Variants in ZNF587B observed in about 807,000 individuals in gnomAD.
ZNF587B encodes zinc finger protein 587B.
In ZNF587B, 6 loss-of-function variants were observed where a neutral mutation model predicts 7.2. The ratio of observed to expected loss-of-function variants is 0.83; its 90% CI spans 0.46 to 1.65. ZNF587B has a LOEUF of 1.65. Ranked by LOEUF, ZNF587B falls within the 40% of genes most tolerant of loss-of-function variation. The pLI is 0.01. For missense variants in ZNF587B, 749 were observed against 761.0 expected (o/e 0.98, Z 0.19); for synonymous variants, 274 against 254.3 (o/e 1.08, Z -0.74).
Position 57,837,838 on chromosome 19 carries a change from G to A in ZNF587B, c.37-1185G>A, listed in dbSNP as rs910674682. ...GACCTCAGGCGATCCACCCGGCTCA[G>A]CCTCCTAAAGCACTGGTACTACAGG... On this transcript the variant is annotated intron_variant, in intron 1 of 2. Transcript: ENST00000594901. Among the ~76,000 whole-genome samples the A allele has an allele frequency of 7.9e-5, 12 of 152,116 alleles. No individual in the cohort carries two copies. In the South Asian group the frequency reaches 1.5e-3, roughly 18 times the overall value.
chr19:57,846,019 C>G lies in ZNF587B; in HGVS notation c.*3443C>G, dbSNP rs1371777803. ...ATCCAATAAAGTACACATATTTGAG[C>G]TGTAGGATAAGTCTTGAATTTTATT... On this transcript the variant is annotated 3_prime_UTR_variant, in exon 3 of 3. Coordinates refer to ENST00000594901, the MANE Select transcript of ZNF587B (RefSeq NM_001376223.1). The G allele has an allele frequency of 6.6e-6, 1 of 152,150 alleles. No individual in the cohort carries two copies. The highest frequency in any genetic ancestry group is 1.5e-5 in the Non-Finnish European group (1 of 68,026). The allele number at this position is 152,150 out of a possible 1,614,324, so 9.4% of individuals were successfully genotyped here. A position where few individuals can be genotyped will look rare whatever the true frequency, so the allele number is the denominator to read the frequency against.
Position 57,843,274 on chromosome 19 carries a change from G to C in ZNF587B, c.*698G>C. The C allele has an allele frequency of 1.0e-6, 1 of 984,784 alleles. No homozygotes were observed. The highest frequency in any genetic ancestry group is 4.7e-5 in the South Asian group (1 of 21,284). The allele number at this position is 984,784 out of a possible 1,614,324, so 61.0% of individuals were successfully genotyped here. A position where few individuals can be genotyped will look rare whatever the true frequency, so the allele number is the denominator to read the frequency against. ...CCCAAAGTGCTGAGATTGTAGGTTT[G>C]AGTCACTGTGCTCAGCCAATTATGT... is the stretch of plus-strand genomic sequence containing the variant. On this transcript the variant is annotated 3_prime_UTR_variant, in exon 3 of 3. Transcript: ENST00000594901.
rs1198137620 is a variant in ZNF587B at position 57,841,667 on chromosome 19, T to C, written c.993T>C (p.Cys331=). The part of the protein sequence containing the change: ...AGKGPYECGE[C]GKSFSSNVNL... Reference sequence around the variant, plus strand: ...AAGGGCCTTATGAGTGTGGAGAATGTGGGAAATCTTTTAGTTCAAACGTGA... The same window carrying C: ...AAGGGCCTTATGAGTGTGGAGAATGCGGGAAATCTTTTAGTTCAAACGTGA... The change falls in exon 3 of 3, where the codon TGT becomes TGC. Residue 331 remains cysteine (C), a synonymous_variant. Transcript: ENST00000594901. 1 of 1,604,618 alleles carries C rather than the reference T, an allele frequency of 6.2e-7. No homozygotes were observed. The highest frequency in any genetic ancestry group is 1.3e-5 in the African/African-American group (1 of 74,834).
chr19:57,843,587 GTTGTTTTTTTTTGTTTTTTTT>G lies in ZNF587B; in HGVS notation c.*1014_*1034del, dbSNP rs1275403639. The G allele has an allele frequency of 2.6e-6, 2 of 759,902 alleles. No individual in the cohort carries two copies. The highest frequency in any genetic ancestry group is 3.0e-6 in the Non-Finnish European group (2 of 658,908). 47.1% of individuals were successfully genotyped at this position (759,902 alleles called of 1,614,324 possible). On this transcript the variant is annotated 3_prime_UTR_variant, in exon 3 of 3. Coordinates refer to ENST00000594901, the MANE Select transcript of ZNF587B (RefSeq NM_001376223.1). The stretch of plus-strand genomic sequence containing the variant: ...GTTTGGTTGGTTGGTTGGTTGGTTG[GTTGTTTTTTTTTGTTTTTTTT>G]TTTTTTTTTTTTGGAGACAAAGTTT...
In ZNF587B at chr19:57,830,566, T is replaced by C. The variant is rs1254866622; in HGVS notation, c.36+2T>C. On this transcript the variant is annotated splice_donor_variant, in intron 1 of 2. Coordinates refer to ENST00000594901, the MANE Select transcript of ZNF587B (RefSeq NM_001376223.1). LOFTEE classifies it high-confidence loss of function. ...GCCACGCTGAGGCTCTCTGCTCAGG[T>C]AATTGTGGTGCCTTCCATGCCCTCA... 3.9e-6 allele frequency: 6 copies of C among 1,550,364 alleles called. No individual in the cohort carries two copies. The highest frequency in any genetic ancestry group is 4.4e-6 in the Non-Finnish European group (5 of 1,147,716).
Position 57,842,407 on chromosome 19 carries a change from A to G in ZNF587B, c.1733A>G (p.Tyr578Cys). ...AGAGTTCACACTGGTCAGAAGCCTTATGAGTGCAGTGAATGTGGGAAATCT... is the reference window on the plus strand; with the variant it reads ...AGAGTTCACACTGGTCAGAAGCCTTGTGAGTGCAGTGAATGTGGGAAATCT... ...HRRVHTGQKP[Y>C]ECSECGKSFA... Residue 578 changes from tyrosine (Y) to cysteine (C), a missense_variant, in exon 3 of 3, where the codon TAT (tyrosine) becomes TGT (cysteine). Tyr to Cys is a radical substitution (Grantham distance 194). Transcript: ENST00000594901. The G allele has an allele frequency of 6.2e-7, 1 of 1,600,892 alleles. No individual in the cohort carries two copies.
intron 1 of ZNF587B, among the ~76,000 whole-genome samples, chr19:57,832,324 A>T (rs1442211665): frequency 1.3e-5 from 2 of 152,096 alleles, no homozygotes; most frequent in Non-Finnish European, 2.9e-5. Flanking sequence ...TGACATTGTG[A>T]TCCGCCCGCC....
chr19:57,841,429 G>GC lies in ZNF587B; in HGVS notation c.756dup (p.Lys253GlnfsTer4). On this transcript the variant is annotated frameshift_variant, in exon 3 of 3. Transcript: ENST00000594901. LOFTEE classifies it low-confidence loss of function (END_TRUNC). ...TGCTGTGAATGTGGGAAATCCTTTA[G>GC]CAAATATGTTAGCTTCAGTAATCAT... 6.3e-7 allele frequency: 1 copy of GC among 1,584,648 alleles called. No homozygotes were observed. The highest frequency in any genetic ancestry group is 1.1e-5 in the South Asian group (1 of 88,012).
At position 57,841,773 on chromosome 19, in the gene ZNF587B, C is replaced by T. The variant is rs757152292; in HGVS notation, c.1099C>T (p.Pro367Ser). ...ATGTGAGAAATCTTTTAGTCGGAAGCCCAGCCTTAGTTACCATCAGCGCAT... is the reference window on the plus strand; with the variant it reads ...ATGTGAGAAATCTTTTAGTCGGAAGTCCAGCCTTAGTTACCATCAGCGCAT... The part of the protein sequence containing the change: ...GECEKSFSRK[P>S]SLSYHQRIHT... Residue 367 changes from proline (P) to serine (S), a missense_variant, in exon 3 of 3, where the codon CCC becomes TCC. Physicochemically the swap from Pro to Ser is moderately conservative, Grantham distance 74. Transcript: ENST00000594901. The T allele has an allele frequency of 5.6e-6, 9 of 1,608,674 alleles. No homozygotes were observed. The African/African-American group carries it at 1.1e-4, about 19-fold the overall frequency.
intron 1 of ZNF587B, among the ~76,000 whole-genome samples, chr19:57,836,526 C>A (rs190901582): frequency 1.3e-5 from 2 of 151,498 alleles, no homozygotes; most frequent in Non-Finnish European, 3.0e-5. Context: ...TTTTTTCTCT[C>A]GTGTATGTAT....
chr19:57,842,902 C>T lies in ZNF587B; in HGVS notation c.*326C>T, dbSNP rs1390002604. 6 of 985,116 alleles carry T rather than the reference C, an allele frequency of 6.1e-6. No homozygotes were observed. In the African/African-American group the frequency reaches 1.0e-4, roughly 17 times the overall value. The allele number at this position is 985,116 out of a possible 1,614,324, so 61.0% of individuals were successfully genotyped here. ...AAATGCCTTTTGAATGTAATGTTTGCAAAAAAGCACTGTGCCTTCTGTCAT... is the reference window on the plus strand; with the variant it reads ...AAATGCCTTTTGAATGTAATGTTTGTAAAAAAGCACTGTGCCTTCTGTCAT... On this transcript the variant is annotated 3_prime_UTR_variant, in exon 3 of 3. Coordinates refer to ENST00000594901, the MANE Select transcript of ZNF587B (RefSeq NM_001376223.1).
chr19:57,837,043 T>TA (rs1371734102), intron 1 of ZNF587B, among the ~76,000 whole-genome samples: 1 of 151,918 alleles, frequency 6.6e-6, no homozygotes, highest in Non-Finnish European at 1.5e-5. Context: ...GAGTTCCTGT[T>TA]ATAGTTTGTA....
intron 1 of ZNF587B, among the ~76,000 whole-genome samples, chr19:57,837,585 A>T (rs994111244): frequency 1.4e-4 from 22 of 151,828 alleles, no homozygotes; most frequent in African/African-American, 5.3e-4. Flanking sequence ...AGTATCTGGG[A>T]CTACAGGTGC....
At chr19:57,836,656 A>G (rs1430119433) in intron 1 of ZNF587B, among the ~76,000 whole-genome samples, 1 of 152,046 alleles carries the variant, frequency 6.6e-6, no homozygotes, top group Non-Finnish European at 1.5e-5. Context: ...ATGACTGGCC[A>G]CTTCACTCTC....
chr19:57,841,582 G>T lies in ZNF587B; in HGVS notation c.908G>T (p.Cys303Phe). The T allele has an allele frequency of 6.3e-7, 1 of 1,577,476 alleles. No individual in the cohort carries two copies. The highest frequency in any genetic ancestry group is 1.9e-5 in the Admixed American group (1 of 53,374). The change falls in exon 3 of 3, where the codon TGT becomes TTT. Residue 303 changes from cysteine (C) to phenylalanine (F), a missense_variant. Physicochemically the swap from Cys to Phe is radical, Grantham distance 205 (BLOSUM62 -2). Around this residue, in one of 3 missense-constraint regions of ZNF587B, gnomAD observed 656 missense variants for 596.5 expected, o/e 1.10. Coordinates refer to ENST00000594901, the MANE Select transcript of ZNF587B (RefSeq NM_001376223.1). ...TGGKPYGCEE[C>F]GKYFSLEGYL... The stretch of plus-strand genomic sequence containing the variant: ...GGAAAACCTTATGGGTGTGAAGAAT[G>T]TGGGAAATATTTTAGCTTAGAAGGA...
Position 57,830,533 on chromosome 19 carries a change from C to A in ZNF587B, c.5C>A (p.Ala2Glu). The change falls in exon 1 of 3, where the codon GCG (alanine) becomes GAG (glutamate). Residue 2 changes from alanine to glutamate, a missense_variant. Coordinates refer to ENST00000594901, the MANE Select transcript of ZNF587B (RefSeq NM_001376223.1). ...TGCTTTAAACCACGTGGTTCGATGG[C>A]GGTGGTGGCCACGCTGAGGCTCTCT... MAVVATLRLSAQ... is the reference protein window; with the variant it reads MEVVATLRLSAQ... 1 of 1,549,480 alleles carries A rather than the reference C, an allele frequency of 6.5e-7. No individual in the cohort carries two copies. The highest frequency in any genetic ancestry group is 2.0e-5 in the Admixed American group (1 of 51,004).
chr19:57,840,720 C>A, intron 2 of ZNF587B, 118 bp from the exon 3 acceptor site: 1 of 1,598,016 alleles, frequency 6.3e-7, no homozygotes, highest in South Asian at 1.1e-5. Context: ...AAGCCAACAT[C>A]CTGTTCCTCC....
Position 57,830,414 on chromosome 19 carries a change from G to A in ZNF587B, c.-115G>A. 2 of 1,138,150 alleles carry A rather than the reference G, an allele frequency of 1.8e-6. No individual in the cohort carries two copies. The highest frequency in any genetic ancestry group is 1.3e-6 in the Non-Finnish European group (1 of 790,756). The allele number at this position is 1,138,150 out of a possible 1,614,324, so 70.5% of individuals were successfully genotyped here. ...TCTGCTGCACAGAGGCGACTCTGGA[G>A]CTCTGTGACGGCGCCAAGCGTGACC... On this transcript the variant is annotated 5_prime_UTR_variant, in exon 1 of 3. Coordinates refer to ENST00000594901, the MANE Select transcript of ZNF587B (RefSeq NM_001376223.1).
chr19:57,830,402 G>T lies in ZNF587B; in HGVS notation c.-127G>T. 1 of 1,001,340 alleles carries T rather than the reference G, an allele frequency of 1.0e-6. No homozygotes were observed. The highest frequency in any genetic ancestry group is 1.5e-6 in the Non-Finnish European group (1 of 672,608). 62.0% of individuals were successfully genotyped at this position (1,001,340 alleles called of 1,614,324 possible). A position where few individuals can be genotyped will look rare whatever the true frequency, so the allele number is the denominator to read the frequency against. ...GAACAGTTGTCCTCTGCTGCACAGA[G>T]GCGACTCTGGAGCTCTGTGACGGCG... On this transcript the variant is annotated 5_prime_UTR_variant, in exon 1 of 3. In the 5' UTR this introduces an upstream ATG that the reference lacks. Transcript: ENST00000594901.
Sources: gnomAD v4.1 joint callset for allele counts (sites outside exome capture counted in the v4.1 genomes callset) on GRCh38, gnomAD v4.1.1 for gene constraint, gnomAD v4.1.1 regional missense constraint, MANE v1.5 for transcripts, NCBI Gene and HGNC (gene_info 2026-07-23, HGNC 2026-07-21) for gene names.